The following SLC35E2B variants were observed in gnomAD, a reference collection of about 807,000 sequenced individuals.
SLC35E2B encodes the protein solute carrier family 35, member E2B.
A neutral mutation model predicts 32.4 loss-of-function variants in SLC35E2B; 18 were observed. That is an observed-to-expected ratio of 0.56 (90% CI 0.38 to 0.82). The LOEUF (loss-of-function observed/expected upper bound fraction) is 0.82. SLC35E2B is among the 40% of genes least tolerant of loss of function. SLC35E2B has a pLI of 0.00. For missense variants in SLC35E2B, 263 were observed against 469.5 expected (o/e 0.56, Z 4.06); for synonymous variants, 132 against 209.1 (o/e 0.63, Z 3.18).
intron 2 of SLC35E2B, among the ~76,000 whole-genome samples, chr1:1,678,125 C>G (rs554457300): frequency 6.6e-6 from 1 of 152,152 alleles, no homozygotes; most frequent in Non-Finnish European, 1.5e-5. Context: ...CCGTGCTGCC[C>G]GACCCAGTAC....
At chr1:1,677,777 G>A (rs374307503) in intron 2 of SLC35E2B, among the ~76,000 whole-genome samples, 3 of 151,792 alleles carry the variant, frequency 2.0e-5, no homozygotes, top group Admixed American at 6.6e-5. Context: ...GACAGACTCC[G>A]TGGTATAAAA....
At chr1:1,672,035 C>T (rs1643708551) in intron 5 of SLC35E2B, 1 of 157,086 alleles carries the variant, frequency 6.4e-6, no homozygotes. Flanking sequence ...TTTTCTGTTT[C>T]CTTCTGAAAT....
At chr1:1,689,706 G>C (rs927018550) in intron 2 of SLC35E2B, among the ~76,000 whole-genome samples, 4 of 151,568 alleles carry the variant, frequency 2.6e-5, no homozygotes, top group African/African-American at 9.7e-5. Context: ...CACAAAGTGG[G>C]CCGGGCGCAG....
At chr1:1,686,915 G>C (rs1036397329) in intron 2 of SLC35E2B, among the ~76,000 whole-genome samples, 16 of 152,056 alleles carry the variant, frequency 1.1e-4, no homozygotes, top group Admixed American at 4.6e-4. Flanking sequence ...AATTAGCCGG[G>C]CGTGGTGACG....
rs553217542 is a variant in SLC35E2B, at chr1:1,682,932, C to T, written c.-147-6086G>A. 2.4e-4 allele frequency among the ~76,000 whole-genome samples: 37 copies of T among 152,076 alleles called. No homozygotes were observed. In the South Asian group the frequency reaches 4.6e-3, roughly 19 times the overall value. ...TCTCTACTAAAAATATAAAAATTAG[C>T]CAGGTGTGGTTGTGGGCACCTGTAA... On this transcript the variant is annotated intron_variant, in intron 2 of 9. Coordinates refer to ENST00000617444, the MANE Select transcript of SLC35E2B (RefSeq NM_001290264.2).
At chr1:1,687,713 T>A (rs1172667370) in intron 2 of SLC35E2B, among the ~76,000 whole-genome samples, 7 of 140,432 alleles carry the variant, frequency 5.0e-5, no homozygotes, top group African/African-American at 1.6e-4. Flanking sequence ...CCAGCCTGGG[T>A]GATGGAGGGA....
intron 2 of SLC35E2B, among the ~76,000 whole-genome samples, chr1:1,678,734 G>A (rs556168565): frequency 6.6e-6 from 1 of 152,280 alleles, no homozygotes; most frequent in East Asian, 1.9e-4. Flanking sequence ...TTCCTGTTCA[G>A]CAGCACAGTC....
intron 6 of SLC35E2B, 76 bp downstream of exon 6, chr1:1,671,433 C>T: frequency 7.6e-7 from 1 of 1,315,010 alleles, no homozygotes; most frequent in Non-Finnish European, 9.8e-7. Flanking sequence ...TCTCAGCTCA[C>T]CTGAGAATCT....
At chr1:1,679,002 G>A (rs891098426) in intron 2 of SLC35E2B, among the ~76,000 whole-genome samples, 1 of 152,142 alleles carries the variant, frequency 6.6e-6, no homozygotes, top group Admixed American at 6.5e-5. Flanking sequence ...TGGAGCTCAT[G>A]GCAGGCGTGG....
At chr1:1,670,015 T>C in intron 7 of SLC35E2B, 83 bp downstream of exon 7, 1 of 1,245,638 alleles carries the variant, frequency 8.0e-7, no homozygotes, top group South Asian at 1.3e-5. Flanking sequence ...GAGTCAGGCC[T>C]GTGGGGTGTT....
chr1:1,673,972 AAAAAAAAAAAG>A (rs1191364988), intron 5 of SLC35E2B: 1 of 155,048 alleles, frequency 6.4e-6, no homozygotes, highest in African/African-American at 2.4e-5. Context: ...AAAAAAGAAA[AAAAAAAAAAAG>A]AAAAAAAAAA....
intron 2 of SLC35E2B, among the ~76,000 whole-genome samples, chr1:1,686,949 A>C (rs1643958442): frequency 6.6e-6 from 1 of 150,922 alleles, no homozygotes; most frequent in Non-Finnish European, 1.5e-5. Flanking sequence ...CCAGCTACTC[A>C]GGAGCCTGAG....
rs1265654817 is a variant in SLC35E2B at position 1,692,495 on chromosome 1, G to T, written c.-612C>A. On this transcript the variant is annotated 5_prime_UTR_variant, in exon 1 of 10. Coordinates refer to ENST00000617444, the MANE Select transcript of SLC35E2B (RefSeq NM_001290264.2). ...GCCGCAGGCATAGCGCTAGGCCCCG[G>T]CGCCTTCACAACAAAGGGACGCTGG... 1.0e-6 allele frequency: 1 copy of T among 985,276 alleles called. No homozygotes were observed. The highest frequency in any genetic ancestry group is 1.8e-5 in the African/African-American group (1 of 56,578). The allele number at this position is 985,276 out of a possible 1,614,324, so 61.0% of individuals were successfully genotyped here.
At chr1:1,679,422 G>C (rs1643880617) in intron 2 of SLC35E2B, among the ~76,000 whole-genome samples, 1 of 152,106 alleles carries the variant, frequency 6.6e-6, no homozygotes, top group Admixed American at 6.6e-5. Flanking sequence ...AGAAGCCTGT[G>C]GGACCCACAC....
chr1:1,689,486 G>A (rs2101122078), intron 2 of SLC35E2B, among the ~76,000 whole-genome samples: 1 of 151,686 alleles, frequency 6.6e-6, no homozygotes, highest in East Asian at 1.9e-4. Flanking sequence ...CAGCAGCAGG[G>A]TCACGATTCG....
intron 5 of SLC35E2B, 41 bp from the exon 6 acceptor site, chr1:1,671,670 G>C: frequency 6.8e-7 from 1 of 1,478,526 alleles, no homozygotes; most frequent in Non-Finnish European, 9.0e-7. Context: ...GACCCGCCGG[G>C]CGGACGCTCC....
rs1009453692 is a variant in SLC35E2B, at chr1:1,665,662, C to A, written c.*120G>T. 62 of 1,420,498 alleles carry A rather than the reference C, an allele frequency of 4.4e-5. No individual in the cohort carries two copies. Among genetic ancestry groups the A allele is most frequent in the Non-Finnish European group, 5.6e-5 (60 of 1,078,368 alleles). 88.0% of individuals were successfully genotyped at this position (1,420,498 alleles called of 1,614,324 possible). A position where few individuals can be genotyped will look rare whatever the true frequency, so the allele number is the denominator to read the frequency against. On this transcript the variant is annotated 3_prime_UTR_variant, in exon 10 of 10. Transcript: ENST00000617444. ...ACCGACAAACCGAGAAAGCCGCAGGCAATGGCCAACTTAGCTCCCCATGTC... is the reference window on the plus strand; with the variant it reads ...ACCGACAAACCGAGAAAGCCGCAGGAAATGGCCAACTTAGCTCCCCATGTC...
At chr1:1,680,420 C>T (rs971685428) in intron 2 of SLC35E2B, among the ~76,000 whole-genome samples, 7 of 152,212 alleles carry the variant, frequency 4.6e-5, no homozygotes, top group Non-Finnish European at 1.0e-4. Flanking sequence ...CACTGCACAG[C>T]AGCCCACTGG....
intron 9 of SLC35E2B, among the ~76,000 whole-genome samples, chr1:1,667,424 TAAATA>T (rs76187963): frequency 2.0e-5 from 3 of 151,158 alleles, no homozygotes; most frequent in Non-Finnish European, 4.4e-5. Context: ...AAAAAATAAA[TAAATA>T]AAATAAAATA....
Sources: allele counts gnomAD v4.1 joint callset (sites outside exome capture counted in the v4.1 genomes callset), GRCh38; gene constraint gnomAD v4.1.1; transcripts MANE v1.5; gene names NCBI Gene and HGNC (gene_info 2026-07-23, HGNC 2026-07-21).